GLIS1: variants seen among roughly 807,000 people sequenced by gnomAD.
The protein encoded by GLIS1 is zinc finger protein GLIS1.
A neutral mutation model predicts 63.8 loss-of-function variants in GLIS1; 24 were observed. That is an observed-to-expected ratio of 0.38 (90% CI 0.27 to 0.53). GLIS1 has a LOEUF of 0.53. Ranked by LOEUF, GLIS1 falls within the 20% of genes least tolerant of loss-of-function variation. GLIS1 has a pLI of 0.85. For synonymous variants in GLIS1, 450 were observed against 482.5 expected, an observed-to-expected ratio of 0.93 and a Z score of 0.88; for missense variants, 1,036 against 1,074.1, an observed-to-expected ratio of 0.96 and a Z score of 0.50.
chr1:53,697,477 C>A (rs1365283158), intron 2 of GLIS1, among the ~76,000 whole-genome samples: 1 of 152,178 alleles, frequency 6.6e-6, no homozygotes, highest in African/African-American at 2.4e-5. Flanking sequence ...CCTCTGGGGG[C>A]CACTGTCTGT....
intron 4 of GLIS1, among the ~76,000 whole-genome samples, chr1:53,589,308 G>C (rs1645165934): frequency 6.6e-6 from 1 of 152,184 alleles, no homozygotes; most frequent in Admixed American, 6.5e-5. Flanking sequence ...GGCTTGCATT[G>C]AGCCAGGATA....
intron 2 of GLIS1, among the ~76,000 whole-genome samples, chr1:53,665,306 A>C (rs1025070894): frequency 6.6e-6 from 1 of 152,170 alleles, no homozygotes; most frequent in Non-Finnish European, 1.5e-5. Context: ...CATGGGGAAG[A>C]CTGGGGGAGG....
intron 2 of GLIS1, among the ~76,000 whole-genome samples, chr1:53,695,872 T>C (rs4927028): frequency 0.25 from 38,418 of 152,244 alleles, 5,223 homozygotes; most frequent in African/African-American, 0.36. Context: ...TTAAGCAATG[T>C]AGCCAAGATC....
At chr1:53,561,336 T>G (rs1023961599) in intron 4 of GLIS1, among the ~76,000 whole-genome samples, 2 of 152,218 alleles carry the variant, frequency 1.3e-5, no homozygotes, top group Non-Finnish European at 2.9e-5. Flanking sequence ...GCCCAGGACC[T>G]GGAAAGTCTG....
intron 4 of GLIS1, among the ~76,000 whole-genome samples, chr1:53,570,219 C>A (rs1162833241): frequency 6.6e-6 from 1 of 151,932 alleles, no homozygotes. Flanking sequence ...TGGGCTCAAG[C>A]AATCTTCCTA....
intron 4 of GLIS1, among the ~76,000 whole-genome samples, chr1:53,570,789 T>A (rs980221715): frequency 1.6e-4 from 25 of 152,178 alleles, no homozygotes; most frequent in Non-Finnish European, 3.5e-4. Context: ...CAAACTGGAT[T>A]CCTACCTCAT....
chr1:53,610,133 T>G (rs1645411238), intron 2 of GLIS1, among the ~76,000 whole-genome samples: 1 of 152,230 alleles, frequency 6.6e-6, no homozygotes, highest in Non-Finnish European at 1.5e-5. Context: ...ACACACACAT[T>G]CTTTGGGTTA....
At chr1:53,578,683 T>A (rs2100488980) in intron 4 of GLIS1, among the ~76,000 whole-genome samples, 1 of 152,340 alleles carries the variant, frequency 6.6e-6, no homozygotes, top group South Asian at 2.1e-4. Flanking sequence ...GATAATTAAG[T>A]GAGCTTAGGT....
At chr1:53,538,952 G>A (rs754971078) in intron 4 of GLIS1, among the ~76,000 whole-genome samples, 35 of 152,130 alleles carry the variant, frequency 2.3e-4, no homozygotes, top group Non-Finnish European at 4.6e-4. Flanking sequence ...AGTAGGAGGT[G>A]CAGGAGGGGC....
In GLIS1 at chr1:53,539,813, C is replaced by T. The variant is rs768121183; in HGVS notation, c.1321-9861G>A. On this transcript the variant is annotated intron_variant, in intron 4 of 10. Coordinates refer to ENST00000628545, the MANE Select transcript of GLIS1 (RefSeq NM_001367484.1). The surrounding 1 kb of genome is among the most constrained non-coding windows in gnomAD (Gnocchi z 5.0). ...GTTCACTGAGGGGCTGGGTCCACTG[C>T]GCCTCCTGACCTCTGAGTGGTGGCT... 6.6e-6 allele frequency among the ~76,000 whole-genome samples: 1 copy of T among 152,162 alleles called. No homozygotes were observed. The highest frequency in any genetic ancestry group is 2.4e-5 in the African/African-American group (1 of 41,422).
At chr1:53,514,151 C>T (rs1644325444) in intron 8 of GLIS1, among the ~76,000 whole-genome samples, 1 of 152,246 alleles carries the variant, frequency 6.6e-6, no homozygotes, top group South Asian at 2.1e-4. Context: ...AGGCAGCCCC[C>T]CGCAGGCCGG....
chr1:53,680,998 C>G (rs1646269303), intron 2 of GLIS1, among the ~76,000 whole-genome samples: 1 of 152,236 alleles, frequency 6.6e-6, no homozygotes, highest in Non-Finnish European at 1.5e-5. Flanking sequence ...TGATCTCAAC[C>G]CTGGACACAG....
intron 10 of GLIS1, among the ~76,000 whole-genome samples, chr1:53,507,895 G>T (rs923008646): frequency 2.6e-5 from 4 of 152,206 alleles, no homozygotes; most frequent in Admixed American, 2.6e-4. Flanking sequence ...AGCCCACAGT[G>T]CTGGGCACCT....
Position 53,594,484 on chromosome 1 carries a change from C to CGGCAGGCTTCAAGTTGCA in GLIS1, c.926_943dup (p.Leu309_Cys314dup), listed in dbSNP as rs749360674. On this transcript the variant is annotated inframe_insertion, in exon 4 of 11. Coordinates refer to ENST00000628545, the MANE Select transcript of GLIS1 (RefSeq NM_001367484.1). ...TTCCTGCTTCAGGAAGCTCGCCTTC[C>CGGCAGGCTTCAAGTTGCA]GGCAGGCTTCAAGTTGCAAGCTGCC... is the stretch of plus-strand genomic sequence containing the variant. 2.8e-5 allele frequency: 45 copies of CGGCAGGCTTCAAGTTGCA among 1,612,898 alleles called. No individual in the cohort carries two copies. The highest frequency in any genetic ancestry group is 3.8e-5 in the Non-Finnish European group (45 of 1,180,008).
intron 2 of GLIS1, among the ~76,000 whole-genome samples, chr1:53,643,731 G>A (rs1046242162): frequency 2.6e-5 from 4 of 152,192 alleles, no homozygotes; most frequent in South Asian, 4.1e-4. Flanking sequence ...CCAGGGCTAC[G>A]ATGAGCACCA....
At chr1:53,731,331 C>G (rs1646858261) in intron 2 of GLIS1, among the ~76,000 whole-genome samples, 1 of 152,220 alleles carries the variant, frequency 6.6e-6, no homozygotes, top group Non-Finnish European at 1.5e-5. Flanking sequence ...GGCAGAGTAT[C>G]CCCTGTAAGT....
At chr1:53,507,927 C>G (rs1295359055) in intron 10 of GLIS1, among the ~76,000 whole-genome samples, 1 of 152,202 alleles carries the variant, frequency 6.6e-6, no homozygotes, top group East Asian at 1.9e-4. Context: ...TACACAGACA[C>G]AGAGCACCCG....
chr1:53,586,043 T>A (rs1043589853), intron 4 of GLIS1, among the ~76,000 whole-genome samples: 2 of 152,148 alleles, frequency 1.3e-5, no homozygotes, highest in African/African-American at 4.8e-5. Context: ...CCCAGGCAAG[T>A]TATTTCCATC....
rs1056523852 is a variant in GLIS1 at position 53,732,652 on chromosome 1, G to A, written c.259+5154C>T. Among the ~76,000 whole-genome samples, 87 of 152,104 alleles carry A rather than the reference G, an allele frequency of 5.7e-4. 1 individual carries two copies. Among genetic ancestry groups the A allele is most frequent in the African/African-American group, 1.9e-3 (80 of 41,500 alleles). On this transcript the variant is annotated intron_variant, in intron 2 of 10. Transcript: ENST00000628545. ...GTGCTTTTTGCATAATGCAGTCCAA[G>A]TTTTCAAAGCCCACTGCAAACTTTG...
Sources: gnomAD v4.1 joint callset for allele counts (sites outside exome capture counted in the v4.1 genomes callset) on GRCh38, gnomAD v4.1.1 for gene constraint, Gnocchi (gnomAD v3.1) non-coding constraint, MANE v1.5 for transcripts, NCBI Gene and HGNC (gene_info 2026-07-23, HGNC 2026-07-21) for gene names.